PRKCZ: variants seen among roughly 807,000 people sequenced by gnomAD.
PRKCZ encodes the protein protein kinase C zeta type.
Under a neutral mutation model 79.5 loss-of-function variants are expected in PRKCZ, and 33 were observed. The ratio of observed to expected loss-of-function variants is 0.41; its 90% CI spans 0.31 to 0.55. PRKCZ has a LOEUF of 0.55. PRKCZ is among the 20% of genes least tolerant of loss of function. PRKCZ has a pLI of 0.19. For missense variants in PRKCZ, 578 were observed against 813.5 expected (o/e 0.71, Z 3.52); for synonymous variants, 342 against 320.9 (o/e 1.07, Z -0.70).
chr1:2,096,823 G>A (rs111343657), intron 4 of PRKCZ, among the ~76,000 whole-genome samples: 1,861 of 152,282 alleles, frequency 0.012, 12 homozygotes, highest in Non-Finnish European at 0.017. Context: ...TCCAGACCTC[G>A]CTCTGCAACA....
chr1:2,169,053 CG>C (rs1683882033), intron 10 of PRKCZ: 1 of 428,734 alleles, frequency 2.3e-6, no homozygotes, highest in Non-Finnish European at 4.8e-6. Flanking sequence ...CTTGGAGGGC[CG>C]GTGGACTCCT....
chr1:2,121,658 G>GTA (rs1672015864), intron 4 of PRKCZ, among the ~76,000 whole-genome samples: 1 of 14,724 alleles, frequency 6.8e-5, no homozygotes, highest in African/African-American at 2.7e-4. Context: ...TCACGGTGGT[G>GTA]GTTAGGGTCG....
intron 16 of PRKCZ, among the ~76,000 whole-genome samples, chr1:2,180,490 C>CGACGCGGACGCACAGAT (rs1557755206): frequency 2.2e-4 from 34 of 151,392 alleles, no homozygotes; most frequent in Non-Finnish European, 4.1e-4. Flanking sequence ...GACGCACAGA[C>CGACGCGGACGCACAGAT]GACGCGGACG....
intron 4 of PRKCZ, among the ~76,000 whole-genome samples, chr1:2,064,251 T>C (rs1389247942): frequency 6.6e-6 from 1 of 152,256 alleles, no homozygotes; most frequent in Non-Finnish European, 1.5e-5. Flanking sequence ...TTACTAGTTC[T>C]CTGTCCTGGA....
rs928611630 is a variant in PRKCZ, at chr1:2,073,904, G to A, written c.334+14313G>A. Reference sequence around the variant, plus strand: ...CGCGCACAGAGCATAAAGAATCTGCGCTGAGGAGGCAGGAGAAGAAAGCCG... The same window carrying A: ...CGCGCACAGAGCATAAAGAATCTGCACTGAGGAGGCAGGAGAAGAAAGCCG... On this transcript the variant is annotated intron_variant, in intron 4 of 17. Transcript: ENST00000378567. The A allele has an allele frequency of 3.1e-6, 4 of 1,278,652 alleles. No homozygotes were observed. The African/African-American group carries it at 6.1e-5, about 19-fold the overall frequency. 79.2% of individuals were successfully genotyped at this position (1,278,652 alleles called of 1,614,324 possible).
At chr1:2,100,850 C>A (rs1009488355) in intron 4 of PRKCZ, among the ~76,000 whole-genome samples, 5 of 152,092 alleles carry the variant, frequency 3.3e-5, no homozygotes, top group African/African-American at 1.2e-4. Context: ...CATTTTAATT[C>A]TATCATTGAG....
In PRKCZ at chr1:2,178,455, C is replaced by T. The variant is rs545376313; in HGVS notation, c.1575+3142C>T. 3.9e-5 allele frequency among the ~76,000 whole-genome samples: 6 copies of T among 152,374 alleles called. No individual in the cohort carries two copies. In the South Asian group the frequency reaches 1.2e-3, roughly 32 times the overall value. On this transcript the variant is annotated intron_variant, in intron 16 of 17. Transcript: ENST00000378567. This position sits in a 1 kb window ranked among gnomAD's most constrained non-coding sequence, Gnocchi z 4.3. ...TCCTCAGTGGACATAGGGTGGCCTCCACTTTCTGGCCATTGTGAATTGTGC... is the reference window on the plus strand; with the variant it reads ...TCCTCAGTGGACATAGGGTGGCCTCTACTTTCTGGCCATTGTGAATTGTGC...
chr1:2,150,725 C>A (rs1679722110), intron 8 of PRKCZ, 65 bp from the exon 9 acceptor site: 1 of 1,487,608 alleles, frequency 6.7e-7, no homozygotes, highest in South Asian at 1.2e-5. Context: ...ATGAGTGATG[C>A]GTGGTCCTCT....
At chr1:2,076,468 C>G (rs984896523) in intron 4 of PRKCZ, among the ~76,000 whole-genome samples, 4 of 152,168 alleles carry the variant, frequency 2.6e-5, no homozygotes, top group Non-Finnish European at 5.9e-5. Flanking sequence ...TCAGGCCAGG[C>G]ACAGTGGCTC....
At chr1:2,152,420 C>G (rs1259883884) in intron 9 of PRKCZ, among the ~76,000 whole-genome samples, 1 of 152,096 alleles carries the variant, frequency 6.6e-6, no homozygotes, top group Non-Finnish European at 1.5e-5. Context: ...CTAATCCCAG[C>G]TACTCAGAGG....
At chr1:2,120,293 GTTTTTTTTTTTT>G (rs59518072) in intron 4 of PRKCZ, among the ~76,000 whole-genome samples, 32 of 32,832 alleles carry the variant, frequency 9.7e-4, no homozygotes, top group Middle Eastern at 0.022. Context: ...TTGACTTTTC[GTTTTTTTTTTTT>G]TTTTTTTTTT....
chr1:2,053,335 G>A (rs1299354171), intron 1 of PRKCZ, among the ~76,000 whole-genome samples: 5 of 152,124 alleles, frequency 3.3e-5, no homozygotes, highest in East Asian at 1.9e-4. Context: ...TTCTGACCTC[G>A]TGATCCGCCC....
intron 9 of PRKCZ, among the ~76,000 whole-genome samples, chr1:2,152,627 G>A (rs1053504016): frequency 6.6e-6 from 1 of 152,230 alleles, no homozygotes; most frequent in Non-Finnish European, 1.5e-5. Context: ...TCTGATTCCA[G>A]AACATTTTCC....
At chr1:2,159,315 C>T (rs182523936) in intron 10 of PRKCZ, among the ~76,000 whole-genome samples, 79 of 152,376 alleles carry the variant, frequency 5.2e-4, no homozygotes, top group African/African-American at 1.0e-3. Context: ...TCGGCTGTGC[C>T]GCCTCTGCTC....
Position 2,055,525 on chromosome 1 carries a change from G to A in PRKCZ, c.156G>A (p.Gln52=). The change falls in exon 2 of 18, where the codon CAG becomes CAA. Residue 52 remains glutamine (Q), a synonymous_variant. Transcript: ENST00000378567. ...TGAGAGACATGTGTCGTCTGCACCAGCAGCACCCGCTCACCCTCAAGTGGG... is the reference window on the plus strand; with the variant it reads ...TGAGAGACATGTGTCGTCTGCACCAACAGCACCCGCTCACCCTCAAGTGGG... ...EEVRDMCRLH[Q]QHPLTLKWVD... The A allele has an allele frequency of 6.2e-7, 1 of 1,614,088 alleles. No homozygotes were observed. The highest frequency in any genetic ancestry group is 8.5e-7 in the Non-Finnish European group (1 of 1,179,990).
At chr1:2,081,381 C>T (rs1163756273) in intron 4 of PRKCZ, among the ~76,000 whole-genome samples, 2 of 152,044 alleles carry the variant, frequency 1.3e-5, no homozygotes, top group African/African-American at 2.4e-5. Flanking sequence ...TGACGGGTCT[C>T]TGGCAGGAGG....
At chr1:2,089,234 T>C (rs1289228935) in intron 4 of PRKCZ, among the ~76,000 whole-genome samples, 2 of 150,286 alleles carry the variant, frequency 1.3e-5, no homozygotes, top group Non-Finnish European at 2.9e-5. Flanking sequence ...GCAGACGCCA[T>C]GAGGAAGGAC....
chr1:2,172,254 G>A lies in PRKCZ; in HGVS notation c.1198-47G>A, dbSNP rs372445020. ...GTGCGTCTCGGGGCGCCTGTCCCGC[G>A]GGGTAGTGTCTACAAGAACCCTCTC... On this transcript the variant is annotated intron_variant, in intron 12 of 17. Coordinates refer to ENST00000378567, the MANE Select transcript of PRKCZ (RefSeq NM_002744.6). The surrounding 1 kb of genome is among the most constrained non-coding windows in gnomAD (Gnocchi z 7.8). 97 of 1,613,394 alleles carry A rather than the reference G, an allele frequency of 6.0e-5. No individual in the cohort carries two copies. The highest frequency in any genetic ancestry group is 7.6e-5 in the Non-Finnish European group (90 of 1,179,988).
Position 2,184,995 on chromosome 1 carries a change from G to A in PRKCZ, c.1765G>A (p.Glu589Lys), listed in dbSNP as rs779910797. The A allele has an allele frequency of 1.1e-5, 17 of 1,613,048 alleles. No homozygotes were observed. The highest frequency in any genetic ancestry group is 5.5e-5 in the South Asian group (5 of 90,854). ...TATCAACCCATTATTGCTGTCCACC[G>A]AGGAGTCGGTGTGAGGCCGCGTGCG... Reference protein sequence around the residue: ...EYINPLLLSTEESV With the variant: ...EYINPLLLSTKESV The change falls in exon 18 of 18, where the codon GAG (glutamate) becomes AAG (lysine). Residue 589 changes from glutamate (E) to lysine (K), a missense_variant. Transcript: ENST00000378567.
Sources: allele counts gnomAD v4.1 joint callset (sites outside exome capture counted in the v4.1 genomes callset), GRCh38; gene constraint gnomAD v4.1.1; non-coding constraint Gnocchi (gnomAD v3.1); transcripts MANE v1.5; gene names NCBI Gene and HGNC (gene_info 2026-07-23, HGNC 2026-07-21).